IMMP2L: variants seen among roughly 807,000 people sequenced by gnomAD.
The protein encoded by IMMP2L is mitochondrial inner membrane protease subunit 2.
In IMMP2L, 18 loss-of-function variants were observed where a neutral mutation model predicts 19.3. The ratio of observed to expected loss-of-function variants is 0.93; its 90% confidence interval spans 0.64 to 1.38. The LOEUF is 1.38. IMMP2L is among the 40% of genes most tolerant of loss of function. The pLI, the probability that IMMP2L is intolerant of heterozygous loss-of-function variation, is 0.00. For missense variants in IMMP2L, 233 were observed against 218.2 expected (o/e 1.07, Z -0.43); for synonymous variants, 76 against 73.0 (o/e 1.04, Z -0.21).
intron 4 of IMMP2L, 126 bp from the exon 5 acceptor site, chr7:110,886,821 C>T (rs995657286): frequency 1.2e-5 from 6 of 486,260 alleles, no homozygotes; most frequent in African/African-American, 1.2e-4. Flanking sequence ...GAAGCTTCTC[C>T]ATAATTTCAT....
intron 5 of IMMP2L, among the ~76,000 whole-genome samples, chr7:110,817,395 C>T (rs1448852789): frequency 2.0e-5 from 3 of 152,068 alleles, no homozygotes; most frequent in Admixed American, 6.6e-5. Flanking sequence ...CCTAGGAATC[C>T]AACTTACAAG....
intron 2 of IMMP2L, among the ~76,000 whole-genome samples, chr7:111,504,651 C>A (rs1357752098): frequency 6.6e-6 from 1 of 152,028 alleles, no homozygotes; most frequent in Non-Finnish European, 1.5e-5. Context: ...AGAACAGAGC[C>A]CTCAGAAATA....
intron 3 of IMMP2L, among the ~76,000 whole-genome samples, chr7:111,390,047 T>C (rs562645196): frequency 6.6e-6 from 1 of 152,284 alleles, no homozygotes; most frequent in South Asian, 2.1e-4. Context: ...ATAAGACCTA[T>C]GTAGACAACA....
chr7:110,808,687 A>G (rs1801806358), intron 5 of IMMP2L, among the ~76,000 whole-genome samples: 2 of 152,122 alleles, frequency 1.3e-5, no homozygotes, highest in African/African-American at 4.8e-5. Context: ...CATAATAAAC[A>G]AACAGCTGAG....
chr7:110,900,460 G>A (rs1811747214), intron 4 of IMMP2L, among the ~76,000 whole-genome samples: 2 of 152,014 alleles, frequency 1.3e-5, no homozygotes, highest in Admixed American at 6.6e-5. Flanking sequence ...TCTCCTTCCT[G>A]GACTCTTGCA....
At chr7:111,178,053 T>C (rs894344340) in intron 3 of IMMP2L, among the ~76,000 whole-genome samples, 4 of 152,104 alleles carry the variant, frequency 2.6e-5, no homozygotes, top group Admixed American at 2.6e-4. Flanking sequence ...AGGGGACATA[T>C]ACATACTTTT....
intron 5 of IMMP2L, among the ~76,000 whole-genome samples, chr7:110,670,092 G>A (rs1339137189): frequency 6.6e-6 from 1 of 152,256 alleles, no homozygotes; most frequent in East Asian, 1.9e-4. Flanking sequence ...TTAAAGGGAT[G>A]ATTAAGTTAA....
chr7:111,112,425 C>T (rs1000999436), intron 3 of IMMP2L, among the ~76,000 whole-genome samples: 9 of 152,126 alleles, frequency 5.9e-5, no homozygotes, highest in Non-Finnish European at 8.8e-5. Context: ...CCATTTAACA[C>T]GAGTGTTAGG....
intron 4 of IMMP2L, among the ~76,000 whole-genome samples, chr7:110,913,454 CAAAAAAAGAAAAAAG>C (rs1352070073): frequency 1.4e-5 from 2 of 147,482 alleles, no homozygotes; most frequent in Non-Finnish European, 3.0e-5. Context: ...AACTCAATAG[CAAAAAAAGAAAAAAG>C]AAAAAAAGAA....
At chr7:110,807,194 A>C (rs752423634) in intron 5 of IMMP2L, among the ~76,000 whole-genome samples, 9 of 151,946 alleles carry the variant, frequency 5.9e-5, no homozygotes, top group Non-Finnish European at 1.0e-4. Context: ...TTTCTCCTCT[A>C]TGCGAAGCTT....
At chr7:111,021,523 G>A (rs1038086050) in intron 3 of IMMP2L, among the ~76,000 whole-genome samples, 8 of 152,200 alleles carry the variant, frequency 5.3e-5, no homozygotes, top group African/African-American at 1.7e-4. Context: ...AGATGAAGGA[G>A]TAGCAAAGTC....
intron 3 of IMMP2L, among the ~76,000 whole-genome samples, chr7:111,397,942 T>C (rs1833036521): frequency 6.6e-6 from 1 of 152,172 alleles, no homozygotes; most frequent in Admixed American, 6.5e-5. Context: ...TTTCTGGGCC[T>C]ACTATGAAAT....
intron 3 of IMMP2L, among the ~76,000 whole-genome samples, chr7:110,993,973 C>T (rs1447971562): frequency 6.6e-6 from 1 of 151,940 alleles, no homozygotes; most frequent in African/African-American, 2.4e-5. Context: ...GCCCTTTGTT[C>T]TCTCCACACT....
intron 3 of IMMP2L, among the ~76,000 whole-genome samples, chr7:111,428,825 T>C (rs1836343026): frequency 6.6e-6 from 1 of 151,854 alleles, no homozygotes; most frequent in African/African-American, 2.4e-5. Context: ...TACTAGAACA[T>C]CTCCATAGTT....
intron 3 of IMMP2L, among the ~76,000 whole-genome samples, chr7:111,004,261 T>C (rs1423685796): frequency 6.6e-6 from 1 of 152,162 alleles, no homozygotes; most frequent in Non-Finnish European, 1.5e-5. Context: ...CACTGCAGCC[T>C]TGAACTCCTG....
intron 3 of IMMP2L, among the ~76,000 whole-genome samples, chr7:110,982,710 T>C (rs2129558301): frequency 6.6e-6 from 1 of 152,248 alleles, no homozygotes. Context: ...CAACCACATA[T>C]TTTTTCTTAT....
chr7:110,984,291 C>CAAAAAAAAAA (rs570938609), intron 3 of IMMP2L, among the ~76,000 whole-genome samples: 1 of 130,548 alleles, frequency 7.7e-6, no homozygotes, highest in Non-Finnish European at 1.7e-5. Flanking sequence ...TACTTATCAC[C>CAAAAAAAAAA]AAAAAAAAAA....
At chr7:110,671,656 A>C (rs1791929313) in intron 5 of IMMP2L, among the ~76,000 whole-genome samples, 1 of 152,122 alleles carries the variant, frequency 6.6e-6, no homozygotes, top group African/African-American at 2.4e-5. Context: ...CCAGGGGGAC[A>C]GATGTGTGTG....
chr7:110,731,155 A>G (rs972048422), intron 5 of IMMP2L, among the ~76,000 whole-genome samples: 17 of 152,208 alleles, frequency 1.1e-4, no homozygotes, highest in African/African-American at 4.1e-4. Flanking sequence ...AGTATCTAAA[A>G]TAAATATTTG....
Sources: gnomAD v4.1 joint callset for allele counts (sites outside exome capture counted in the v4.1 genomes callset) on GRCh38, gnomAD v4.1.1 for gene constraint, MANE v1.5 for transcripts, NCBI Gene and HGNC (gene_info 2026-07-23, HGNC 2026-07-21) for gene names.